Variants in TACC2 observed in about 807,000 individuals in gnomAD.
The protein encoded by TACC2 is transforming acidic coiled-coil containing protein 2, also known as transforming acidic coiled-coil-containing protein 2.
A neutral mutation model predicts 227.3 loss-of-function variants in TACC2; 137 were observed. That is an observed-to-expected ratio of 0.60 (90% CI 0.52 to 0.69). The LOEUF is 0.69. TACC2 is among the 30% of genes least tolerant of loss of function. The pLI is 0.00. For missense variants in TACC2, 3,470 were observed against 3,694.4 expected (o/e 0.94, Z 1.57); for synonymous variants, 1,523 against 1,487.5 (o/e 1.02, Z -0.55).
At chr10:122,029,945 T>C (rs1384455425) in intron 2 of TACC2, among the ~76,000 whole-genome samples, 1 of 152,188 alleles carries the variant, frequency 6.6e-6, no homozygotes, top group East Asian at 1.9e-4. Context: ...TGTGTGATTT[T>C]GTGCTTCAGG....
At chr10:122,215,241 T>C in intron 9 of TACC2, 150 bp from the exon 10 acceptor site, 2 of 649,372 alleles carry the variant, frequency 3.1e-6, no homozygotes, top group South Asian at 3.9e-5. Flanking sequence ...GTAGCCGGCG[T>C]GGCCTCTCGC....
In TACC2 at chr10:122,086,179, C is replaced by T. The variant is rs781226978; in HGVS notation, c.3679C>T (p.Pro1227Ser). Residue 1227 changes from proline to serine, a missense_variant, in exon 4 of 23, where the codon CCA becomes TCA. By Grantham distance (74) the Pro-to-Ser change is moderately conservative. Transcript: ENST00000369005. ...PDPKELLLSG[P>S]PEVAAPDTPY... is the part of the protein sequence containing the mutation. ...CCCAAAGGAGCTCCTGCTGTCTGGG[C>T]CACCAGAAGTGGCTGCTCCTGACAC... 17 of 1,613,662 alleles carry T rather than the reference C, an allele frequency of 1.1e-5. No homozygotes were observed. The highest frequency in any genetic ancestry group is 1.6e-4 in the Middle Eastern group (1 of 6,080).
intron 2 of TACC2, among the ~76,000 whole-genome samples, chr10:122,045,221 A>G (rs191929379): frequency 6.6e-6 from 1 of 152,370 alleles, no homozygotes; most frequent in Non-Finnish European, 1.5e-5. Flanking sequence ...TATTCTGGGC[A>G]TCAAATCTAG....
In TACC2 at chr10:122,084,593, C is replaced by T. The variant is rs2079892002; in HGVS notation, c.2093C>T (p.Pro698Leu). 6.2e-7 allele frequency: 1 copy of T among 1,613,730 alleles called. No individual in the cohort carries two copies. The highest frequency in any genetic ancestry group is 1.1e-5 in the South Asian group (1 of 91,090). ...WEGSGLQPKC[P>L]DTLQSREGLG... The stretch of plus-strand genomic sequence containing the variant: ...GGGTCAGGATTGCAGCCCAAATGTC[C>T]TGACACCCTTCAGAGCAGGGAAGGA... Residue 698 changes from proline (P) to leucine (L), a missense_variant, in exon 4 of 23, where the codon CCT becomes CTT. Coordinates refer to ENST00000369005, the MANE Select transcript of TACC2 (RefSeq NM_206862.4).
At chr10:122,198,284 T>A (rs1779269555) in intron 8 of TACC2, among the ~76,000 whole-genome samples, 1 of 152,098 alleles carries the variant, frequency 6.6e-6, no homozygotes, top group Admixed American at 6.5e-5. Context: ...TGCTGCCAGC[T>A]GGGGCGGGCC....
chr10:122,055,663 C>T (rs992296985), intron 3 of TACC2, among the ~76,000 whole-genome samples: 5 of 152,164 alleles, frequency 3.3e-5, no homozygotes, highest in East Asian at 3.8e-4. Flanking sequence ...CCCCATGACA[C>T]GAGTTCACCT....
rs956538387 is a variant in TACC2, at chr10:122,088,879, G to A, written c.5573+288G>A. The A allele has an allele frequency of 8.6e-6, 7 of 818,336 alleles. No individual in the cohort carries two copies. The East Asian group carries it at 1.6e-4, about 19-fold the overall frequency. 50.7% of individuals were successfully genotyped at this position (818,336 alleles called of 1,614,324 possible). ...CTCATGCCTGTAATCCCAACACTTT[G>A]GGAGGTCGAGGCAGGAAGATCACTT... On this transcript the variant is annotated intron_variant, in intron 5 of 22. Transcript: ENST00000369005.
intron 5 of TACC2, among the ~76,000 whole-genome samples, chr10:122,089,696 T>C (rs1009462441): frequency 1.3e-5 from 2 of 152,180 alleles, no homozygotes; most frequent in African/African-American, 4.8e-5. Context: ...AATCAGACTT[T>C]AAATTAGTAC....
intron 7 of TACC2, among the ~76,000 whole-genome samples, chr10:122,171,147 A>G (rs1195540367): frequency 6.6e-6 from 1 of 152,092 alleles, no homozygotes; most frequent in Non-Finnish European, 1.5e-5. Context: ...ATGGCTGTGC[A>G]ATAAATCCGG....
intron 5 of TACC2, among the ~76,000 whole-genome samples, chr10:122,102,432 G>A (rs887703386): frequency 3.0e-4 from 45 of 152,122 alleles, no homozygotes; most frequent in Non-Finnish European, 5.9e-5. Context: ...ACTGAACCCC[G>A]TAACCGCGCC....
Position 122,086,042 on chromosome 10 carries a change from G to A in TACC2, c.3542G>A (p.Cys1181Tyr), listed in dbSNP as rs778975786. ...TCTACCTCTGCCCTACGTGAGTCCTGCCAAGCTGAGCACCCCATGGCCAGC... is the reference window on the plus strand; with the variant it reads ...TCTACCTCTGCCCTACGTGAGTCCTACCAAGCTGAGCACCCCATGGCCAGC... ...EASTSALRES[C>Y]QAEHPMASCQ... Residue 1181 changes from cysteine (C) to tyrosine (Y), a missense_variant, in exon 4 of 23, where the codon TGC (cysteine) becomes TAC (tyrosine). Cys to Tyr is a radical substitution (Grantham distance 194). This residue lies in a region of TACC2 where 1,924 missense variants were observed against 1,978.3 expected (regional missense o/e 0.97). Transcript: ENST00000369005. 1 of 1,613,888 alleles carries A rather than the reference G, an allele frequency of 6.2e-7. No homozygotes were observed. Among genetic ancestry groups the A allele is most frequent in the Non-Finnish European group, 8.5e-7 (1 of 1,180,016 alleles).
At chr10:122,153,460 T>C (rs2092250118) in intron 7 of TACC2, among the ~76,000 whole-genome samples, 2 of 152,210 alleles carry the variant, frequency 1.3e-5, no homozygotes, top group Non-Finnish European at 2.9e-5. Flanking sequence ...TTGGGTCATC[T>C]CATATCTGTG....
At chr10:122,045,776 G>A (rs1031155713) in intron 2 of TACC2, among the ~76,000 whole-genome samples, 1 of 152,234 alleles carries the variant, frequency 6.6e-6, no homozygotes, top group African/African-American at 2.4e-5. Context: ...GCTTTGAAAA[G>A]TGCAATGTGC....
At chr10:122,249,231 G>T in intron 21 of TACC2, 75 bp downstream of exon 21, 1 of 1,115,484 alleles carries the variant, frequency 9.0e-7, no homozygotes, top group African/African-American at 1.5e-5. Context: ...TGGGACCTCT[G>T]GCAGCGCCTG....
intron 3 of TACC2, among the ~76,000 whole-genome samples, chr10:122,069,198 T>C (rs1285194265): frequency 6.6e-6 from 1 of 152,110 alleles, no homozygotes; most frequent in African/African-American, 2.4e-5. Flanking sequence ...AGACCTTCAG[T>C]GGGGGCAACA....
intron 1 of TACC2, among the ~76,000 whole-genome samples, chr10:121,990,518 T>C (rs931081012): frequency 6.3e-5 from 9 of 143,700 alleles, no homozygotes; most frequent in African/African-American, 2.4e-4. Flanking sequence ...GTAGATTCCA[T>C]TGACACTTAT....
intron 16 of TACC2, among the ~76,000 whole-genome samples, chr10:122,236,588 ATTC>A (rs60489581): frequency 0.87 from 132,438 of 151,966 alleles, 57,937 homozygotes; most frequent in East Asian, 1. Context: ...ATAACCACAG[ATTC>A]CTCCTCCTCA....
At chr10:122,204,023 C>T (rs908531048) in intron 8 of TACC2, among the ~76,000 whole-genome samples, 9 of 151,272 alleles carry the variant, frequency 5.9e-5, no homozygotes, top group East Asian at 2.0e-4. Flanking sequence ...TCAGGTGTGG[C>T]GGCGCGCGCC....
At position 122,176,117 on chromosome 10, in the gene TACC2, C is replaced by CTATATATATA. The variant is rs35172894; in HGVS notation, c.5835-18903_5835-18894dup. Among the ~76,000 whole-genome samples, 77 of 54,630 alleles carry CTATATATATA rather than the reference C, an allele frequency of 1.4e-3. 1 individual carries two copies. Among genetic ancestry groups the CTATATATATA allele is most frequent in the Admixed American group, 2.5e-3 (11 of 4,474 alleles). 35.8% of individuals were successfully genotyped at this position (54,630 alleles called of 152,430 possible). A position where few individuals can be genotyped will look rare whatever the true frequency, so the allele number is the denominator to read the frequency against. On this transcript the variant is annotated intron_variant, in intron 7 of 22. Transcript: ENST00000369005. ...TCTCTCTCTCTCTCTCTCTCTCTCT[C>CTATATATATA]TATATATATATATATATATATATAT...
Sources: gnomAD v4.1 joint callset for allele counts (sites outside exome capture counted in the v4.1 genomes callset) on GRCh38, gnomAD v4.1.1 for gene constraint, gnomAD v4.1.1 regional missense constraint, MANE v1.5 for transcripts, NCBI Gene and HGNC (gene_info 2026-07-23, HGNC 2026-07-21) for gene names.